The following GABRB1 variants were observed in gnomAD, a reference collection of about 807,000 sequenced individuals.
GABRB1 encodes gamma-aminobutyric acid type A receptor subunit beta1.
GABRB1 carries 17 observed loss-of-function variants against 51.6 expected under a neutral mutation model. The ratio of observed to expected loss-of-function variants is 0.33; its 90% confidence interval spans 0.23 to 0.49. The LOEUF is 0.49. Among genes scored for constraint, GABRB1 ranks in the 20% least tolerant of loss-of-function variants. The probability of loss-of-function intolerance (pLI) is 0.99; values close to 1 mark genes in which losing one functional copy is unlikely to be tolerated. For synonymous variants in GABRB1, 247 were observed against 218.9 expected (o/e 1.13, Z -1.14); for missense variants, 410 against 600.6 (o/e 0.68, Z 3.32).
At position 47,174,389 on chromosome 4, in the gene GABRB1, C is replaced by T. The variant is rs560983489; in HGVS notation, c.461+12920C>T. Among the ~76,000 whole-genome samples the T allele has an allele frequency of 3.9e-4, 60 of 152,212 alleles. 1 individual carries two copies. Among genetic ancestry groups the T allele is most frequent in the African/African-American group, 1.4e-3 (59 of 41,544 alleles). The stretch of plus-strand genomic sequence containing the variant: ...TTTGCTTTGTTTCTTTTTAACTCAA[C>T]AATAAATATTTTTCATTTTCCTTTT... On this transcript the variant is annotated intron_variant, in intron 4 of 8. Coordinates refer to ENST00000295454, the MANE Select transcript of GABRB1 (RefSeq NM_000812.4).
intron 1 of GABRB1, among the ~76,000 whole-genome samples, chr4:47,008,712 C>G (rs1196947492): frequency 6.7e-6 from 1 of 149,136 alleles, no homozygotes; most frequent in East Asian, 2.0e-4. Flanking sequence ...CTCCTGACCT[C>G]AAGTGATCCA....
At chr4:47,296,160 A>C (rs1723985126) in intron 4 of GABRB1, among the ~76,000 whole-genome samples, 1 of 152,236 alleles carries the variant, frequency 6.6e-6, no homozygotes, top group Non-Finnish European at 1.5e-5. Flanking sequence ...AATCATGCCA[A>C]ATTGTAAAGA....
chr4:47,054,125 G>A (rs1266536779), intron 3 of GABRB1, among the ~76,000 whole-genome samples: 2 of 148,426 alleles, frequency 1.3e-5, no homozygotes, highest in Admixed American at 1.3e-4. Context: ...ATTTTAAGAA[G>A]ATGTAAGTAA....
At chr4:47,185,715 A>G (rs1327336590) in intron 4 of GABRB1, among the ~76,000 whole-genome samples, 3 of 151,832 alleles carry the variant, frequency 2.0e-5, no homozygotes, top group Non-Finnish European at 4.4e-5. Flanking sequence ...AACACAAACT[A>G]CCTCACAAGA....
chr4:47,228,037 G>T (rs1219502097), intron 4 of GABRB1, among the ~76,000 whole-genome samples: 1 of 152,090 alleles, frequency 6.6e-6, no homozygotes. Context: ...AGTACTGAGG[G>T]TTAGGTGTAC....
chr4:47,070,840 G>T (rs1426479834), intron 3 of GABRB1, among the ~76,000 whole-genome samples: 1 of 152,084 alleles, frequency 6.6e-6, no homozygotes, highest in African/African-American at 2.4e-5. Context: ...CAGTCTAATG[G>T]CTTTAAATAC....
chr4:47,001,176 T>C (rs1724167543), intron 1 of GABRB1, among the ~76,000 whole-genome samples: 1 of 152,212 alleles, frequency 6.6e-6, no homozygotes, highest in South Asian at 2.1e-4. Context: ...GGAGTCTCGC[T>C]CTGTCGCCCA....
At chr4:47,075,455 C>T (rs1348314839) in intron 3 of GABRB1, among the ~76,000 whole-genome samples, 3 of 152,170 alleles carry the variant, frequency 2.0e-5, no homozygotes, top group Non-Finnish European at 4.4e-5. Context: ...GTCTTTCTGT[C>T]TGTCACAATG....
At chr4:47,360,969 T>C (rs1440104033) in intron 5 of GABRB1, among the ~76,000 whole-genome samples, 1 of 152,144 alleles carries the variant, frequency 6.6e-6, no homozygotes, top group Non-Finnish European at 1.5e-5. Flanking sequence ...TGAGAATAAA[T>C]ACTATTAATA....
chr4:47,299,476 AAC>A (rs1560321866), intron 4 of GABRB1, among the ~76,000 whole-genome samples: 1 of 152,104 alleles, frequency 6.6e-6, no homozygotes, highest in African/African-American at 2.4e-5. Context: ...GCAGCCAAAA[AAC>A]ACATGAAAAA....
chr4:47,005,724 T>C (rs536492463), intron 1 of GABRB1, among the ~76,000 whole-genome samples: 8 of 59,088 alleles, frequency 1.4e-4, no homozygotes, highest in Admixed American at 9.3e-4. Flanking sequence ...GCAACTTCTC[T>C]AAAATTAGGA....
intron 3 of GABRB1, among the ~76,000 whole-genome samples, chr4:47,149,766 A>AT (rs11418898): frequency 0.86 from 130,722 of 151,944 alleles, 56,248 homozygotes; most frequent in African/African-American, 0.9. Flanking sequence ...TTCTCAAATC[A>AT]TTTTTTCTTC....
At chr4:47,071,903 T>A (rs1239461302) in intron 3 of GABRB1, among the ~76,000 whole-genome samples, 2 of 152,092 alleles carry the variant, frequency 1.3e-5, no homozygotes, top group African/African-American at 2.4e-5. Flanking sequence ...CTATTTTAAT[T>A]GAGTGATGAG....
At chr4:47,012,224 T>G (rs1315634934) in intron 1 of GABRB1, among the ~76,000 whole-genome samples, 3 of 152,216 alleles carry the variant, frequency 2.0e-5, no homozygotes. Context: ...AATTCAGAAG[T>G]ACATGTGCAG....
chr4:47,325,785 T>G (rs1560334448), intron 5 of GABRB1, among the ~76,000 whole-genome samples: 1 of 152,204 alleles, frequency 6.6e-6, no homozygotes, highest in Non-Finnish European at 1.5e-5. Flanking sequence ...CCAATCTAAG[T>G]TAGGAACCAG....
At chr4:47,124,101 T>C (rs1468599474) in intron 3 of GABRB1, among the ~76,000 whole-genome samples, 2 of 149,588 alleles carry the variant, frequency 1.3e-5, no homozygotes, top group African/African-American at 2.5e-5. Context: ...GATAAGTCTT[T>C]CAGTTGTTTA....
rs1729282830 is a variant in GABRB1 at position 47,426,045 on chromosome 4, C to T, written c.*27C>T. 1 of 1,488,790 alleles carries T rather than the reference C, an allele frequency of 6.7e-7. No homozygotes were observed. Among genetic ancestry groups the T allele is most frequent in the Admixed American group, 2.2e-5 (1 of 46,154 alleles). The allele number at this position is 1,488,790 out of a possible 1,614,324, so 92.2% of individuals were successfully genotyped here. The stretch of plus-strand genomic sequence containing the variant: ...GTCTGTTCTAATGGTTCCATTTAGA[C>T]TACTTTCCTCTTCTATTGTTTTTTA... On this transcript the variant is annotated 3_prime_UTR_variant, in exon 9 of 9. Coordinates refer to ENST00000295454, the MANE Select transcript of GABRB1 (RefSeq NM_000812.4).
intron 4 of GABRB1, among the ~76,000 whole-genome samples, chr4:47,259,840 C>T (rs183285672): frequency 6.6e-6 from 1 of 152,270 alleles, no homozygotes; most frequent in East Asian, 1.9e-4. Flanking sequence ...TACCAAACCT[C>T]ATGAAGAAGC....
intron 3 of GABRB1, among the ~76,000 whole-genome samples, chr4:47,112,269 T>C (rs1030381228): frequency 8.5e-5 from 13 of 152,172 alleles, no homozygotes; most frequent in Admixed American, 7.9e-4. Context: ...CCAAATCTGA[T>C]AGTGAGAAAT....
Sources: allele counts gnomAD v4.1 joint callset (sites outside exome capture counted in the v4.1 genomes callset), GRCh38; gene constraint gnomAD v4.1.1; transcripts MANE v1.5; gene names NCBI Gene and HGNC (gene_info 2026-07-23, HGNC 2026-07-21).